ACBD5: variants seen among roughly 807,000 people sequenced by gnomAD.
ACBD5 encodes acyl-CoA binding domain containing 5.
ACBD5 carries 40 observed loss-of-function variants against 71.8 expected under a neutral mutation model. The observed-to-expected ratio is 0.56, with a 90% CI of 0.43 to 0.72. The LOEUF is 0.72. Among genes scored for constraint, ACBD5 ranks in the 30% least tolerant of loss-of-function variants. ACBD5 has a pLI of 0.00. For missense variants in ACBD5, 559 were observed against 644.5 expected (o/e 0.87, Z 1.44); for synonymous variants, 229 against 218.6 (o/e 1.05, Z -0.42).
At chr10:27,216,428 A>T (rs554798786) in intron 7 of ACBD5, among the ~76,000 whole-genome samples, 1 of 151,980 alleles carries the variant, frequency 6.6e-6, no homozygotes, top group African/African-American at 2.4e-5. Flanking sequence ...GGCATGAATC[A>T]CCGCACTCAG....
chr10:27,205,102 G>C, intron 11 of ACBD5, 96 bp downstream of exon 11: 1 of 1,229,670 alleles, frequency 8.1e-7, no homozygotes, highest in Middle Eastern at 2.9e-4. Context: ...ACTCCAGCCT[G>C]GGCAACAGAG....
chr10:27,203,456 C>A (rs1467059659), intron 12 of ACBD5, among the ~76,000 whole-genome samples: 2 of 152,146 alleles, frequency 1.3e-5, no homozygotes, highest in Non-Finnish European at 2.9e-5. Context: ...AAGTAACCTC[C>A]GGATGGGCAC....
chr10:27,185,451 G>C (rs1183355648), intron 13 of ACBD5, among the ~76,000 whole-genome samples: 1 of 151,616 alleles, frequency 6.6e-6, no homozygotes, highest in Non-Finnish European at 1.5e-5. Flanking sequence ...TGGCCAACAT[G>C]GTGAAACCCC....
chr10:27,202,038 T>C, intron 12 of ACBD5, among the ~76,000 whole-genome samples: 1 of 152,138 alleles, frequency 6.6e-6, no homozygotes. Context: ...GGGCACACCC[T>C]CTACTTGCCC....
At chr10:27,191,816 AG>A (rs1201499218), downstream of ACBD5, among the ~76,000 whole-genome samples, 1 of 152,174 alleles carries the variant, frequency 6.6e-6, no homozygotes, top group Non-Finnish European at 1.5e-5. Context: ...TGAACCCGGG[AG>A]GCAGAGGTTG....
intron 12 of ACBD5, among the ~76,000 whole-genome samples, chr10:27,202,969 CTTTTTTTTTTTTT>C (rs775633178): frequency 1.4e-5 from 1 of 70,766 alleles, no homozygotes; most frequent in Non-Finnish European, 2.4e-5. Context: ...TCTATATCCT[CTTTTTTTTTTTTT>C]TTTTTTTTTT....
chr10:27,222,707 A>C (rs2062512708), intron 5 of ACBD5, among the ~76,000 whole-genome samples: 1 of 152,042 alleles, frequency 6.6e-6, no homozygotes, highest in African/African-American at 2.4e-5. Flanking sequence ...AGTAGCTGGG[A>C]TCACAGGCGT....
chr10:27,219,556 A>G (rs2062077857), intron 6 of ACBD5, among the ~76,000 whole-genome samples, 167 bp downstream of exon 6: 1 of 152,194 alleles, frequency 6.6e-6, no homozygotes, highest in African/African-American at 2.4e-5. Flanking sequence ...GGCTGTTCCT[A>G]TACTATGTAG....
chr10:27,202,652 C>T (rs2060040797), intron 12 of ACBD5, among the ~76,000 whole-genome samples: 1 of 151,968 alleles, frequency 6.6e-6, no homozygotes, highest in Admixed American at 6.6e-5. Flanking sequence ...AATTATTAAC[C>T]AAAGTAAGCT....
chr10:27,239,205 A>G (rs986804255), intron 2 of ACBD5, among the ~76,000 whole-genome samples: 1 of 152,208 alleles, frequency 6.6e-6, no homozygotes, highest in Non-Finnish European at 1.5e-5. Context: ...CTCTAAAGAA[A>G]TAAATATGTT....
At chr10:27,191,218 C>T (rs191377807), downstream of ACBD5, among the ~76,000 whole-genome samples, 2 of 152,178 alleles carry the variant, frequency 1.3e-5, no homozygotes, top group Non-Finnish European at 2.9e-5. Context: ...GGCGACACAC[C>T]GTATGATTCC....
chr10:27,213,773 T>G (rs2061352400), intron 8 of ACBD5, among the ~76,000 whole-genome samples: 1 of 149,182 alleles, frequency 6.7e-6, no homozygotes, highest in Admixed American at 6.7e-5. Context: ...AAAAAAAAAG[T>G]ACCAAAAATA....
At chr10:27,215,079 G>A (rs544272330) in intron 8 of ACBD5, among the ~76,000 whole-genome samples, 1 of 152,066 alleles carries the variant, frequency 6.6e-6, no homozygotes, top group Non-Finnish European at 1.5e-5. Context: ...CAGGAGAATT[G>A]CTTGAACCTA....
At chr10:27,194,889 G>A (rs1313174684), downstream of ACBD5, among the ~76,000 whole-genome samples, 2 of 151,772 alleles carry the variant, frequency 1.3e-5, no homozygotes, top group South Asian at 2.1e-4. Context: ...CCAGCTACTC[G>A]GGAGGCTGAG....
intron 13 of ACBD5, chr10:27,186,645 A>AG: frequency 9.8e-7 from 1 of 1,022,230 alleles, no homozygotes; most frequent in Non-Finnish European, 1.5e-6. Flanking sequence ...TATTTAACCT[A>AG]GTTCAATGTG....
chr10:27,215,330 A>T (rs575224788), intron 8 of ACBD5, among the ~76,000 whole-genome samples: 9 of 152,032 alleles, frequency 5.9e-5, no homozygotes, highest in Non-Finnish European at 1.2e-4. Flanking sequence ...GGAGTAGTTA[A>T]TATTATTAAT....
downstream of ACBD5, chr10:27,193,628 A>G (rs1056055538): frequency 6.6e-6 from 1 of 152,184 alleles, no homozygotes; most frequent in African/African-American, 2.4e-5. Flanking sequence ...TACAACTGTT[A>G]ATTGCTTTCT....
intron 4 of ACBD5, among the ~76,000 whole-genome samples, chr10:27,226,923 G>C (rs900225045): frequency 4.6e-5 from 7 of 150,660 alleles, no homozygotes; most frequent in Non-Finnish European, 7.4e-5. Context: ...CAAAGTGCTG[G>C]GATTACTAGC....
chr10:27,238,919 C>T (rs541278527), intron 2 of ACBD5, among the ~76,000 whole-genome samples: 47 of 152,232 alleles, frequency 3.1e-4, no homozygotes, highest in African/African-American at 1.1e-3. Context: ...TTTATTGGGC[C>T]GGGCGCGGTG....
Sources: gnomAD v4.1 joint callset for allele counts (sites outside exome capture counted in the v4.1 genomes callset) on GRCh38, gnomAD v4.1.1 for gene constraint, MANE v1.5 for transcripts, NCBI Gene and HGNC (gene_info 2026-07-23, HGNC 2026-07-21) for gene names.